The following FBXL13 variants were observed in gnomAD, a reference collection of about 807,000 sequenced individuals.
FBXL13 encodes the protein F-box and leucine rich repeat protein 13.
In FBXL13, 67 loss-of-function variants were observed where a neutral mutation model predicts 83.6. The observed-to-expected ratio is 0.80, with a 90% CI of 0.66 to 0.98. The LOEUF (loss-of-function observed/expected upper bound fraction) is 0.98. Among genes scored for constraint, FBXL13 ranks in the 50% least tolerant of loss-of-function variants. FBXL13 has a pLI of 0.00. For missense variants in FBXL13, 822 were observed against 866.5 expected, an observed-to-expected ratio of 0.95 and a Z score of 0.64; for synonymous variants, 272 against 299.5, an observed-to-expected ratio of 0.91 and a Z score of 0.95.
chr7:102,826,258 A>C (rs751902917), intron 18 of FBXL13, among the ~76,000 whole-genome samples: 1 of 152,210 alleles, frequency 6.6e-6, no homozygotes, highest in Non-Finnish European at 1.5e-5. Flanking sequence ...AAAGGGGCTG[A>C]ATAGTCCACA....
chr7:102,923,721 G>C (rs919993417), intron 10 of FBXL13, among the ~76,000 whole-genome samples: 2 of 152,060 alleles, frequency 1.3e-5, no homozygotes, highest in African/African-American at 4.8e-5. Context: ...CTACTCAGGA[G>C]GCTGAGGCAG....
intron 15 of FBXL13, among the ~76,000 whole-genome samples, chr7:102,877,832 A>G (rs1434310519): frequency 6.6e-6 from 1 of 152,206 alleles, no homozygotes; most frequent in Non-Finnish European, 1.5e-5. Flanking sequence ...AATTTCTAAT[A>G]AGGAAAAAAT....
rs542442176 is a variant in FBXL13, at chr7:103,008,621, G to A, written c.495+16442C>T. ...CATCCAGGCTAGAGTGCAGTGGTGC[G>A]ATCTCAGCTCACTGCAATCTCCGCC... On this transcript the variant is annotated intron_variant, in intron 6 of 19. Transcript: ENST00000313221. Among the ~76,000 whole-genome samples, 40 of 152,098 alleles carry A rather than the reference G, an allele frequency of 2.6e-4. 1 individual carries two copies. The highest frequency in any genetic ancestry group is 3.8e-4 in the Non-Finnish European group (26 of 67,998).
chr7:102,980,927 T>C (rs1397918083), intron 6 of FBXL13, among the ~76,000 whole-genome samples: 2 of 152,172 alleles, frequency 1.3e-5, no homozygotes, highest in East Asian at 3.8e-4. Flanking sequence ...GAAAACCTTG[T>C]GTGTCAAAGA....
chr7:102,956,919 T>C (rs976726118), intron 8 of FBXL13, among the ~76,000 whole-genome samples: 1 of 152,138 alleles, frequency 6.6e-6, no homozygotes, highest in Non-Finnish European at 1.5e-5. Context: ...TCCATGCTCA[T>C]CGATAAGAAC....
intron 1 of FBXL13, among the ~76,000 whole-genome samples, chr7:103,060,048 ATATATATATATATATAC>A (rs1294034961): frequency 5.9e-5 from 6 of 101,890 alleles, no homozygotes; most frequent in Non-Finnish European, 1.2e-4. Context: ...ATATATATAT[ATATATATATATATATAC>A]TTTTTTTTTT....
intron 17 of FBXL13, among the ~76,000 whole-genome samples, chr7:102,851,555 C>CT (rs536053057): frequency 3.0e-3 from 253 of 83,092 alleles, no homozygotes; most frequent in African/African-American, 0.011. Flanking sequence ...CCTTCTTCTT[C>CT]TCTCTCTCTC....
chr7:102,945,002 A>G (rs140811422), intron 8 of FBXL13: 1 of 157,144 alleles, frequency 6.4e-6, no homozygotes, highest in East Asian at 1.9e-4. Context: ...AAATGATTTT[A>G]TACAAATGCT....
At chr7:103,073,977 A>G (rs980600281) in intron 1 of FBXL13, among the ~76,000 whole-genome samples, 1 of 152,150 alleles carries the variant, frequency 6.6e-6, no homozygotes, top group African/African-American at 2.4e-5. Flanking sequence ...GTAGAGAAAA[A>G]AAGAGGTCAA....
chr7:102,927,548 G>A (rs1439755698), intron 9 of FBXL13, among the ~76,000 whole-genome samples: 2 of 152,172 alleles, frequency 1.3e-5, no homozygotes, highest in Non-Finnish European at 2.9e-5. Flanking sequence ...CAGAGCATCT[G>A]TCACACTCAG....
intron 6 of FBXL13, among the ~76,000 whole-genome samples, chr7:102,998,879 T>G (rs947513843): frequency 1.3e-5 from 2 of 152,074 alleles, no homozygotes; most frequent in African/African-American, 2.4e-5. Flanking sequence ...CAAGAATAAT[T>G]TGACTTCCTC....
intron 10 of FBXL13, among the ~76,000 whole-genome samples, chr7:102,915,428 A>G (rs1815642950): frequency 6.6e-6 from 1 of 152,062 alleles, no homozygotes; most frequent in South Asian, 2.1e-4. Context: ...TGAAATGGAT[A>G]CTTATCTCCA....
At chr7:102,834,812 A>G (rs1801573503) in intron 17 of FBXL13, 1 of 151,960 alleles carries the variant, frequency 6.6e-6, no homozygotes, top group Non-Finnish European at 1.5e-5. Flanking sequence ...AAATGTTCTC[A>G]CCATAAAAAG....
intron 6 of FBXL13, among the ~76,000 whole-genome samples, chr7:103,024,775 T>C (rs1051668415): frequency 1.4e-5 from 2 of 144,074 alleles, no homozygotes; most frequent in African/African-American, 5.1e-5. Context: ...TCTAACTGAA[T>C]GCAATACATC....
chr7:103,007,249 T>C (rs1791084965), intron 6 of FBXL13, among the ~76,000 whole-genome samples: 1 of 151,668 alleles, frequency 6.6e-6, no homozygotes, highest in African/African-American at 2.4e-5. Flanking sequence ...CTCAATGAAC[T>C]CCAAATAGGA....
intron 11 of FBXL13, among the ~76,000 whole-genome samples, chr7:102,888,882 C>G (rs1278930705): frequency 1.3e-5 from 2 of 152,118 alleles, no homozygotes; most frequent in Non-Finnish European, 2.9e-5. Context: ...TTGAGTCTGG[C>G]TCTACCTCTT....
At chr7:102,851,451 C>CCTTT (rs3045667) in intron 17 of FBXL13, among the ~76,000 whole-genome samples, 8 of 149,858 alleles carry the variant, frequency 5.3e-5, no homozygotes, top group Middle Eastern at 3.2e-3. Context: ...CTCCTTCCTT[C>CCTTT]CTTCCCTCCC....
chr7:102,982,401 A>T (rs996673251), intron 6 of FBXL13, among the ~76,000 whole-genome samples: 2 of 152,090 alleles, frequency 1.3e-5, no homozygotes, highest in African/African-American at 4.8e-5. Flanking sequence ...AAGGAAGAGT[A>T]TCATATATTG....
intron 8 of FBXL13, among the ~76,000 whole-genome samples, chr7:102,957,364 C>T (rs1158054700): frequency 6.6e-6 from 1 of 152,144 alleles, no homozygotes; most frequent in African/African-American, 2.4e-5. Context: ...CCCTTCCTTA[C>T]ACCTTATACA....
Sources: allele counts gnomAD v4.1 joint callset (sites outside exome capture counted in the v4.1 genomes callset), GRCh38; gene constraint gnomAD v4.1.1; transcripts MANE v1.5; gene names NCBI Gene and HGNC (gene_info 2026-07-23, HGNC 2026-07-21).